The following MAP3K5 variants were observed in gnomAD, a reference collection of about 807,000 sequenced individuals.
The protein encoded by MAP3K5 is mitogen-activated protein kinase kinase kinase 5.
A neutral mutation model predicts 158.7 loss-of-function variants in MAP3K5; 56 were observed. That is an observed-to-expected ratio of 0.35 (90% CI 0.28 to 0.44). The LOEUF (loss-of-function observed/expected upper bound fraction) is 0.44. Ranked by LOEUF, MAP3K5 falls within the 20% of genes least tolerant of loss-of-function variation. The pLI, the probability that MAP3K5 is intolerant of heterozygous loss-of-function variation, is 1.00. For missense variants in MAP3K5, 1,294 were observed against 1,674.8 expected (o/e 0.77, Z 3.97); for synonymous variants, 579 against 601.7 (o/e 0.96, Z 0.55).
chr6:136,599,191 G>T (rs1775770904), intron 21 of MAP3K5, among the ~76,000 whole-genome samples: 1 of 149,220 alleles, frequency 6.7e-6, no homozygotes, highest in Non-Finnish European at 1.5e-5. Context: ...GTGGATTTTA[G>T]CTCCTAATTT....
chr6:136,749,959 T>C (rs1783129027), intron 1 of MAP3K5, among the ~76,000 whole-genome samples: 1 of 152,124 alleles, frequency 6.6e-6, no homozygotes, highest in Admixed American at 6.5e-5. Context: ...CTCCAACATA[T>C]AAACCCGCAA....
At chr6:136,644,755 G>A (rs1196275977) in intron 11 of MAP3K5, among the ~76,000 whole-genome samples, 2 of 152,164 alleles carry the variant, frequency 1.3e-5, no homozygotes, top group African/African-American at 4.8e-5. Context: ...GCTGGGGATG[G>A]GTGTAAGCAT....
intron 15 of MAP3K5, among the ~76,000 whole-genome samples, chr6:136,620,364 C>T (rs1372146695): frequency 6.6e-6 from 1 of 152,180 alleles, no homozygotes; most frequent in Non-Finnish European, 1.5e-5. Context: ...GTACTCCAAA[C>T]CTAAGCAACA....
In MAP3K5 at chr6:136,656,443, A is replaced by G. The variant is rs1472746060; in HGVS notation, c.1544T>C (p.Val515Ala). The G allele has an allele frequency of 6.3e-7, 1 of 1,585,472 alleles. No individual in the cohort carries two copies. The highest frequency in any genetic ancestry group is 8.6e-7 in the Non-Finnish European group (1 of 1,167,810). ...KTPAWYLKSI[V>A]ETILIYKHFV... ...ATGCTTATATATTAAAATTGTCTCTACAATAGACTTGAGGTACCTGAGAAG... is the reference window on the plus strand; with the variant it reads ...ATGCTTATATATTAAAATTGTCTCTGCAATAGACTTGAGGTACCTGAGAAG... The change falls in exon 10 of 30, where the codon GTA becomes GCA. Residue 515 changes from valine to alanine, a missense_variant. This residue lies in a region of MAP3K5 where 690 missense variants were observed against 870.5 expected (regional missense o/e 0.79). Transcript: ENST00000359015.
chr6:136,777,719 G>T (rs1784453589), intron 1 of MAP3K5, among the ~76,000 whole-genome samples: 2 of 152,178 alleles, frequency 1.3e-5, no homozygotes, highest in Non-Finnish European at 2.9e-5. Context: ...TCAAATTACA[G>T]ATATGGTTCT....
intron 10 of MAP3K5, among the ~76,000 whole-genome samples, chr6:136,652,164 G>T (rs556291897): frequency 6.6e-6 from 1 of 152,048 alleles, no homozygotes; most frequent in African/African-American, 2.4e-5. Context: ...AACATGAAAT[G>T]CACTCTCAGA....
intron 3 of MAP3K5, 72 bp downstream of exon 3, chr6:136,705,038 A>T (rs1474044308): frequency 2.7e-6 from 2 of 749,498 alleles, no homozygotes; most frequent in Non-Finnish European, 4.3e-6. Flanking sequence ...TGGAGATTTT[A>T]AAAATACCAA....
At chr6:136,570,342 T>A (rs1774306782) in intron 25 of MAP3K5, among the ~76,000 whole-genome samples, 1 of 152,234 alleles carries the variant, frequency 6.6e-6, no homozygotes, top group Non-Finnish European at 1.5e-5. Flanking sequence ...TGCCCACTTT[T>A]AAGCTGGAAC....
rs1452262857 is a variant in MAP3K5 at position 136,713,706 on chromosome 6, T to A, written c.588+6744A>T. Reference sequence around the variant, plus strand: ...TTAGATCATTTCTGAATAAATAAAATAAAGGAACAAGATTGTCTCTACCAA... The same window carrying A: ...TTAGATCATTTCTGAATAAATAAAAAAAAGGAACAAGATTGTCTCTACCAA... On this transcript the variant is annotated intron_variant, in intron 2 of 29. Coordinates refer to ENST00000359015, the MANE Select transcript of MAP3K5 (RefSeq NM_005923.4). Among the ~76,000 whole-genome samples the A allele has an allele frequency of 2.0e-5, 3 of 152,206 alleles. No individual in the cohort carries two copies. In the South Asian group the frequency reaches 6.2e-4, roughly 32 times the overall value.
intron 1 of MAP3K5, among the ~76,000 whole-genome samples, chr6:136,776,915 G>A (rs1042276262): frequency 2.6e-5 from 4 of 152,050 alleles, no homozygotes; most frequent in Non-Finnish European, 4.4e-5. Context: ...TCGGTCCTTG[G>A]GTAACCCACT....
At chr6:136,637,215 C>T in intron 14 of MAP3K5, 110 bp downstream of exon 14, 1 of 1,243,046 alleles carries the variant, frequency 8.0e-7, no homozygotes, top group Non-Finnish European at 1.1e-6. Flanking sequence ...TAAAGGAAAG[C>T]CTACAGACAG....
chr6:136,605,680 C>A (rs1379406945), intron 18 of MAP3K5, among the ~76,000 whole-genome samples: 2 of 152,196 alleles, frequency 1.3e-5, no homozygotes, highest in African/African-American at 4.8e-5. Context: ...AAACTTCTAA[C>A]AATTAGTCTT....
At chr6:136,677,426 C>T (rs1023450831) in intron 7 of MAP3K5, among the ~76,000 whole-genome samples, 3 of 152,148 alleles carry the variant, frequency 2.0e-5, no homozygotes, top group African/African-American at 4.8e-5. Flanking sequence ...CGTGGGCCAC[C>T]GTACCTGGCA....
chr6:136,654,220 T>C (rs1258576718), intron 10 of MAP3K5, among the ~76,000 whole-genome samples: 1 of 152,206 alleles, frequency 6.6e-6, no homozygotes, highest in East Asian at 1.9e-4. Context: ...TATCATCCCC[T>C]TCCCAGATAG....
chr6:136,599,015 A>G (rs1349964953), intron 21 of MAP3K5, among the ~76,000 whole-genome samples: 1 of 152,130 alleles, frequency 6.6e-6, no homozygotes, highest in African/African-American at 2.4e-5. Context: ...TACTAAAAAT[A>G]CAAAAATTAG....
At chr6:136,735,614 G>A (rs1486054387) in intron 1 of MAP3K5, among the ~76,000 whole-genome samples, 1 of 152,140 alleles carries the variant, frequency 6.6e-6, no homozygotes, top group Admixed American at 6.5e-5. Context: ...AGGATCGCTT[G>A]AGTTCGGGAG....
At chr6:136,758,272 A>C (rs1783593819) in intron 1 of MAP3K5, among the ~76,000 whole-genome samples, 1 of 152,208 alleles carries the variant, frequency 6.6e-6, no homozygotes, top group Non-Finnish European at 1.5e-5. Flanking sequence ...AGAGCACTAA[A>C]AAAAATTACA....
At chr6:136,666,653 T>G in intron 8 of MAP3K5, among the ~76,000 whole-genome samples, 1 of 152,196 alleles carries the variant, frequency 6.6e-6, no homozygotes, top group East Asian at 1.9e-4. Context: ...AACTTGTCTT[T>G]CCTCGAAAAT....
chr6:136,646,329 C>T (rs1426801784), intron 11 of MAP3K5, among the ~76,000 whole-genome samples: 1 of 152,046 alleles, frequency 6.6e-6, no homozygotes, highest in Admixed American at 6.6e-5. Context: ...TGTTTATATC[C>T]TAATATATAT....
Sources: gnomAD v4.1 joint callset for allele counts (sites outside exome capture counted in the v4.1 genomes callset) on GRCh38, gnomAD v4.1.1 for gene constraint, gnomAD v4.1.1 regional missense constraint, MANE v1.5 for transcripts, NCBI Gene and HGNC (gene_info 2026-07-23, HGNC 2026-07-21) for gene names.